FGD3: variants seen among roughly 807,000 people sequenced by gnomAD.
The protein encoded by FGD3 is FYVE, RhoGEF and PH domain-containing protein 3.
FGD3 carries 45 observed loss-of-function variants against 71.8 expected under a neutral mutation model. That is an observed-to-expected ratio of 0.63 (90% CI 0.49 to 0.80). FGD3 has a LOEUF of 0.80. FGD3 is among the 30% of genes least tolerant of loss of function. The pLI, the probability that FGD3 is intolerant of heterozygous loss-of-function variation, is 0.00. For missense variants in FGD3, 844 were observed against 951.5 expected, an observed-to-expected ratio of 0.89 and a Z score of 1.49; for synonymous variants, 378 against 392.8, an observed-to-expected ratio of 0.96 and a Z score of 0.44.
chr9:92,963,916 T>G (rs1373921370), intron 1 of FGD3: 1 of 152,286 alleles, frequency 6.6e-6, no homozygotes, highest in Non-Finnish European at 1.5e-5. Context: ...GATGGTGTGT[T>G]TCTGGGCTCA....
At chr9:93,008,981 T>C (rs141973131) in intron 6 of FGD3, among the ~76,000 whole-genome samples, 1,849 of 150,932 alleles carry the variant, frequency 0.012, 26 homozygotes, top group Non-Finnish European at 0.021. Flanking sequence ...AAAAAAAGTT[T>C]TGGCCAGGCG....
chr9:93,022,464 A>G, intron 14 of FGD3, 75 bp downstream of exon 14: 1 of 1,512,882 alleles, frequency 6.6e-7, no homozygotes. Flanking sequence ...ACCTATAGGG[A>G]AGATGGAGAG....
At chr9:92,984,434 T>C (rs1269014435) in intron 3 of FGD3, among the ~76,000 whole-genome samples, 1 of 152,240 alleles carries the variant, frequency 6.6e-6, no homozygotes, top group African/African-American at 2.4e-5. Context: ...TACTACATGT[T>C]GCTGTATGGG....
Position 93,035,647 on chromosome 9 carries a change from T to C in FGD3, c.*58T>C. 2 of 1,519,956 alleles carry C rather than the reference T, an allele frequency of 1.3e-6. No homozygotes were observed. The highest frequency in any genetic ancestry group is 2.3e-5 in the East Asian group (1 of 43,766). 94.2% of individuals were successfully genotyped at this position (1,519,956 alleles called of 1,614,324 possible). On this transcript the variant is annotated 3_prime_UTR_variant, in exon 18 of 18. Coordinates refer to ENST00000375482, the MANE Select transcript of FGD3 (RefSeq NM_001083536.2). ...ATTGGACCTGTGCTGTCCTGGGAGG[T>C]GGTGTTGGAGGCCCCATGAAGAGCG...
At chr9:92,972,002 C>T (rs1859555907) in intron 1 of FGD3, among the ~76,000 whole-genome samples, 1 of 146,706 alleles carries the variant, frequency 6.8e-6, no homozygotes, top group South Asian at 2.2e-4. Flanking sequence ...TCCTTCCAGG[C>T]ACCCAGCTGA....
intron 1 of FGD3, among the ~76,000 whole-genome samples, chr9:92,950,767 A>G (rs1018696603): frequency 5.3e-5 from 8 of 152,190 alleles, no homozygotes; most frequent in Admixed American, 5.2e-4. Flanking sequence ...ATTTGGTCTA[A>G]AGAATTAAAT....
chr9:93,026,107 C>T (rs1862103491), intron 14 of FGD3, among the ~76,000 whole-genome samples: 1 of 152,208 alleles, frequency 6.6e-6, no homozygotes, highest in African/African-American at 2.4e-5. Context: ...CAGCTGTGCC[C>T]CCCGTTCCTG....
intron 10 of FGD3, 50 bp downstream of exon 10, chr9:93,015,879 G>C (rs1861661004): frequency 1.9e-6 from 3 of 1,542,152 alleles, no homozygotes; most frequent in Non-Finnish European, 2.7e-6. Flanking sequence ...GGGGCACTGA[G>C]CAGGACTGGG....
Position 93,014,017 on chromosome 9 carries a change from A to G in FGD3, c.1182+19A>G, listed in dbSNP as rs775528495. ...CTTCCTGGTGAGCCTGGCCCCTGCC[A>G]GCCCAGCCGCAGAGCCTCCCTTGCC... On this transcript the variant is annotated intron_variant, in intron 9 of 17. Transcript: ENST00000375482. 5 of 1,592,130 alleles carry G rather than the reference A, an allele frequency of 3.1e-6. No individual in the cohort carries two copies. In the East Asian group the frequency reaches 1.1e-4, roughly 36 times the overall value.
chr9:92,997,641 C>T (rs1457793912), intron 3 of FGD3, among the ~76,000 whole-genome samples: 1 of 152,126 alleles, frequency 6.6e-6, no homozygotes, highest in African/African-American at 2.4e-5. Flanking sequence ...TTAGTGCTTC[C>T]TTCAGGACCT....
At chr9:92,994,728 G>A (rs1860560360) in intron 3 of FGD3, among the ~76,000 whole-genome samples, 1 of 152,120 alleles carries the variant, frequency 6.6e-6, no homozygotes, top group Admixed American at 6.5e-5. Flanking sequence ...TATTAAATAG[G>A]GAATCCTTTC....
At chr9:93,034,507 A>G (rs755536987) in intron 16 of FGD3, 34 bp from the exon 17 acceptor site, 4 of 1,581,798 alleles carry the variant, frequency 2.5e-6, no homozygotes, top group Admixed American at 1.8e-5. Context: ...ACTGCAGGGG[A>G]GACTGCCCCT....
intron 15 of FGD3, 97 bp downstream of exon 15, chr9:93,030,093 C>A: frequency 1.4e-6 from 2 of 1,447,714 alleles, no homozygotes; most frequent in South Asian, 1.2e-5. Flanking sequence ...CAGCCATGCA[C>A]ACCAGCCCTG....
Position 93,015,811 on chromosome 9 carries a change from G to C in FGD3, c.1257G>C (p.Met419Ile). ...AGAAGTTCAGCGTCCGGGAGAAGAT[G>C]GACATCTCAGGCCTCCAGGTGGGTG... is the stretch of plus-strand genomic sequence containing the variant. ...MGQKFSVREK[M>I]DISGLQVQDI... The change falls in exon 10 of 18, where the codon ATG becomes ATC. Residue 419 changes from methionine (M) to isoleucine (I), a missense_variant. By Grantham distance (10) the Met-to-Ile change is conservative. Transcript: ENST00000375482. 2 of 1,614,142 alleles carry C rather than the reference G, an allele frequency of 1.2e-6. No homozygotes were observed. The highest frequency in any genetic ancestry group is 1.7e-6 in the Non-Finnish European group (2 of 1,180,002).
At chr9:92,950,976 C>T (rs947438199) in intron 1 of FGD3, among the ~76,000 whole-genome samples, 2 of 152,194 alleles carry the variant, frequency 1.3e-5, no homozygotes, top group African/African-American at 4.8e-5. Context: ...CCTGCTTGGG[C>T]CCTGAAGAGA....
At chr9:92,954,762 C>A (rs1859017866) in intron 1 of FGD3, among the ~76,000 whole-genome samples, 3 of 152,222 alleles carry the variant, frequency 2.0e-5, no homozygotes, top group African/African-American at 7.2e-5. Context: ...CCCCTGAGCC[C>A]TGGCCTCCTG....
At chr9:92,976,074 A>G in intron 2 of FGD3, 134 bp from the exon 3 acceptor site, 1 of 574,180 alleles carries the variant, frequency 1.7e-6, no homozygotes, top group Non-Finnish European at 3.1e-6. Context: ...TTCACACACA[A>G]CCCCCAGCCC....
chr9:92,996,820 G>C (rs921601500), intron 3 of FGD3, among the ~76,000 whole-genome samples: 1 of 152,208 alleles, frequency 6.6e-6, no homozygotes, highest in Admixed American at 6.5e-5. Flanking sequence ...GTTCTAGTTT[G>C]ATTGCACTGT....
intron 3 of FGD3, among the ~76,000 whole-genome samples, chr9:92,981,533 T>C (rs903009583): frequency 1.3e-5 from 2 of 152,188 alleles, no homozygotes; most frequent in East Asian, 3.8e-4. Flanking sequence ...CAGCGTGTTC[T>C]GTAATTGTCT....
Sources: allele counts gnomAD v4.1 joint callset (sites outside exome capture counted in the v4.1 genomes callset), GRCh38; gene constraint gnomAD v4.1.1; transcripts MANE v1.5; gene names NCBI Gene and HGNC (gene_info 2026-07-23, HGNC 2026-07-21).